Variants in DIAPH3 observed in about 807,000 individuals in gnomAD.
DIAPH3 encodes diaphanous related formin 3.
In DIAPH3, 117 loss-of-function variants were observed where a neutral mutation model predicts 144.3. The ratio of observed to expected loss-of-function variants is 0.81; its 90% CI spans 0.70 to 0.95. The LOEUF is 0.95. Among genes scored for constraint, DIAPH3 ranks in the 40% least tolerant of loss-of-function variants. The pLI, the probability that DIAPH3 is intolerant of heterozygous loss-of-function variation, is 0.00. For synonymous variants in DIAPH3, 519 were observed against 488.9 expected (o/e 1.06, Z -0.81); for missense variants, 1,421 against 1,412.7 (o/e 1.01, Z -0.09).
chr13:59,901,625 T>A (rs1653105180), intron 20 of DIAPH3, among the ~76,000 whole-genome samples: 1 of 152,194 alleles, frequency 6.6e-6, no homozygotes, highest in South Asian at 2.1e-4. Flanking sequence ...AGAAGGATCA[T>A]CACATTTAAC....
intron 27 of DIAPH3, among the ~76,000 whole-genome samples, chr13:59,735,071 ATG>A (rs1197876452): frequency 1.3e-5 from 2 of 152,122 alleles, no homozygotes; most frequent in African/African-American, 4.8e-5. Context: ...TTTAAATAGA[ATG>A]TTTACAAAAT....
At position 60,151,841 on chromosome 13, in the gene DIAPH3, T is replaced by C. The variant is rs570060382; in HGVS notation, c.180+11746A>G. ...TTTATAAAGAAGTGAAATAGTCATA[T>C]TGAATTTCTCAATGCAGATTATATG... On this transcript the variant is annotated intron_variant, in intron 1 of 27. Coordinates refer to ENST00000400324, the MANE Select transcript of DIAPH3 (RefSeq NM_001042517.2). 5.9e-5 allele frequency among the ~76,000 whole-genome samples: 9 copies of C among 152,346 alleles called. No individual in the cohort carries two copies. In the South Asian group the frequency reaches 1.9e-3, roughly 32 times the overall value.
chr13:60,105,099 CAAAA>C (rs60853102), intron 3 of DIAPH3, among the ~76,000 whole-genome samples: 7 of 41,824 alleles, frequency 1.7e-4, no homozygotes, highest in Admixed American at 2.9e-4. Context: ...GACACGATCT[CAAAA>C]AAAAAAAAAA....
At chr13:60,120,251 C>T (rs896781007) in intron 2 of DIAPH3, among the ~76,000 whole-genome samples, 1 of 152,186 alleles carries the variant, frequency 6.6e-6, no homozygotes, top group Admixed American at 6.5e-5. Flanking sequence ...AGTGACATCA[C>T]TGGTTTTACA....
intron 2 of DIAPH3, among the ~76,000 whole-genome samples, chr13:60,116,814 T>C (rs1180307778): frequency 6.6e-6 from 1 of 152,016 alleles, no homozygotes; most frequent in Non-Finnish European, 1.5e-5. Context: ...AACCAAAACT[T>C]TTTTTAAAAA....
intron 18 of DIAPH3, among the ~76,000 whole-genome samples, chr13:59,918,008 G>A (rs2047313520): frequency 6.6e-6 from 1 of 151,020 alleles, no homozygotes; most frequent in Non-Finnish European, 1.5e-5. Flanking sequence ...GGTGAAGTAG[G>A]GCTCTCCAGT....
intron 27 of DIAPH3, among the ~76,000 whole-genome samples, chr13:59,689,218 A>T (rs971813881): frequency 6.6e-6 from 1 of 152,120 alleles, no homozygotes. Flanking sequence ...GAAGGCCTGG[A>T]CTACCTGGGG....
At chr13:60,083,785 T>C (rs1480166603) in intron 4 of DIAPH3, among the ~76,000 whole-genome samples, 2 of 151,986 alleles carry the variant, frequency 1.3e-5, no homozygotes, top group Admixed American at 6.6e-5. Flanking sequence ...ATGCCTATAA[T>C]CCCAGCACTC....
At chr13:59,839,543 A>C in intron 22 of DIAPH3, 95 bp from the exon 23 acceptor site, 12 of 1,132,010 alleles carry the variant, frequency 1.1e-5, no homozygotes, top group African/African-American at 1.6e-5. Context: ...AAAACAACTC[A>C]CAATAATGTA....
intron 27 of DIAPH3, among the ~76,000 whole-genome samples, chr13:59,713,611 G>A (rs1312059992): frequency 2.4e-5 from 3 of 126,536 alleles, no homozygotes; most frequent in East Asian, 2.5e-4. Context: ...ACTAAAGTGA[G>A]TTAATATTTG....
intron 18 of DIAPH3, among the ~76,000 whole-genome samples, chr13:59,916,935 A>G (rs887583682): frequency 2.0e-5 from 3 of 152,180 alleles, no homozygotes; most frequent in Non-Finnish European, 2.9e-5. Context: ...ATCAACTATT[A>G]TAATGATTTT....
chr13:59,733,125 C>G (rs1012673817), intron 27 of DIAPH3, among the ~76,000 whole-genome samples: 1 of 152,050 alleles, frequency 6.6e-6, no homozygotes, highest in African/African-American at 2.4e-5. Flanking sequence ...TCTTTAATTT[C>G]TAAGGCACTC....
chr13:60,114,652 C>CACACACACACACACACACAA (rs2058656329), intron 2 of DIAPH3, among the ~76,000 whole-genome samples: 1 of 151,254 alleles, frequency 6.6e-6, no homozygotes, highest in Non-Finnish European at 1.5e-5. Flanking sequence ...GACACACACA[C>CACACACACACACACACACAA]ACACACACAC....
intron 27 of DIAPH3, among the ~76,000 whole-genome samples, chr13:59,677,086 T>A (rs2032681191): frequency 6.6e-6 from 1 of 152,116 alleles, no homozygotes; most frequent in Non-Finnish European, 1.5e-5. Flanking sequence ...CACTGGTGTA[T>A]TCCCAAGCCC....
At chr13:59,709,917 A>T (rs2034640252) in intron 27 of DIAPH3, among the ~76,000 whole-genome samples, 3 of 151,998 alleles carry the variant, frequency 2.0e-5, no homozygotes, top group African/African-American at 7.3e-5. Flanking sequence ...ATGCAGCCAT[A>T]AAAAATGATG....
chr13:60,156,940 T>TATATATATATATATATATA (rs58923567), intron 1 of DIAPH3, among the ~76,000 whole-genome samples: 7 of 27,936 alleles, frequency 2.5e-4, no homozygotes, highest in African/African-American at 3.6e-4. Flanking sequence ...TATATATATA[T>TATATATATATATATATATA]TTTTTTTTTT....
chr13:59,751,891 A>G (rs1311930374), intron 27 of DIAPH3, among the ~76,000 whole-genome samples: 6 of 152,374 alleles, frequency 3.9e-5, no homozygotes, highest in East Asian at 3.9e-4. Context: ...AGCTTCATAA[A>G]TTGGTCCAGT....
intron 3 of DIAPH3, among the ~76,000 whole-genome samples, chr13:60,097,161 T>C (rs2058128136): frequency 6.6e-6 from 1 of 152,140 alleles, no homozygotes; most frequent in Non-Finnish European, 1.5e-5. Context: ...ATGATGACAG[T>C]CCTAGTATAA....
chr13:59,965,115 C>T (rs963887378), intron 17 of DIAPH3, among the ~76,000 whole-genome samples: 3 of 152,174 alleles, frequency 2.0e-5, no homozygotes, highest in Non-Finnish European at 4.4e-5. Context: ...GGATAATCCA[C>T]GTTTATCACC....
Sources: gnomAD v4.1 joint callset for allele counts (sites outside exome capture counted in the v4.1 genomes callset) on GRCh38, gnomAD v4.1.1 for gene constraint, MANE v1.5 for transcripts, NCBI Gene and HGNC (gene_info 2026-07-23, HGNC 2026-07-21) for gene names.